ADAMTS17: variants seen among roughly 807,000 people sequenced by gnomAD.
The protein encoded by ADAMTS17 is ADAM metallopeptidase with thrombospondin type 1 motif 17.
A neutral mutation model predicts 141.5 loss-of-function variants in ADAMTS17; 113 were observed. That is an observed-to-expected ratio of 0.80 (90% CI 0.69 to 0.93). ADAMTS17 has a LOEUF of 0.93. Among genes scored for constraint, ADAMTS17 ranks in the 40% least tolerant of loss-of-function variants. The probability of loss-of-function intolerance (pLI) is 0.00; values close to 1 mark genes in which losing one functional copy is unlikely to be tolerated. For missense variants in ADAMTS17, 1,659 were observed against 1,517.9 expected (o/e 1.09, Z -1.54); for synonymous variants, 768 against 630.6 (o/e 1.22, Z -3.27).
intron 18 of ADAMTS17, among the ~76,000 whole-genome samples, chr15:100,000,662 C>T (rs1235150802): frequency 1.3e-5 from 2 of 152,084 alleles, no homozygotes; most frequent in African/African-American, 2.4e-5. Flanking sequence ...TACAGCCATG[C>T]GCCACCACGC....
chr15:100,318,661 G>C (rs556056673), intron 3 of ADAMTS17, among the ~76,000 whole-genome samples: 1 of 152,196 alleles, frequency 6.6e-6, no homozygotes, highest in South Asian at 2.1e-4. Context: ...AACAGACTAA[G>C]ACCATTCCTT....
intron 15 of ADAMTS17, among the ~76,000 whole-genome samples, chr15:100,083,797 G>C (rs1227186102): frequency 1.3e-5 from 2 of 150,926 alleles, no homozygotes; most frequent in African/African-American, 4.9e-5. Flanking sequence ...AGTGATGCTG[G>C]CATGCCAGAG....
At chr15:100,221,069 T>C (rs1405758210) in intron 7 of ADAMTS17, among the ~76,000 whole-genome samples, 1 of 152,172 alleles carries the variant, frequency 6.6e-6, no homozygotes, top group East Asian at 1.9e-4. Flanking sequence ...CTATGTTTAA[T>C]TTCTTGAGGA....
chr15:100,319,356 G>A (rs2045659086), intron 3 of ADAMTS17, among the ~76,000 whole-genome samples: 4 of 152,336 alleles, frequency 2.6e-5, no homozygotes, highest in Middle Eastern at 6.8e-3. Context: ...AGCAGAATTT[G>A]AGCTCACGGT....
At chr15:100,204,730 C>G (rs1301715555) in intron 7 of ADAMTS17, among the ~76,000 whole-genome samples, 1 of 152,120 alleles carries the variant, frequency 6.6e-6, no homozygotes, top group Non-Finnish European at 1.5e-5. Flanking sequence ...TAGACAAAGC[C>G]TTCTTAGCTA....
intron 7 of ADAMTS17, among the ~76,000 whole-genome samples, chr15:100,239,719 C>T (rs920573211): frequency 3.9e-5 from 6 of 152,160 alleles, no homozygotes; most frequent in African/African-American, 1.4e-4. Flanking sequence ...GTCCAGGGCA[C>T]TTCAGAGAGA....
chr15:100,186,417 C>T (rs11853108), intron 8 of ADAMTS17, among the ~76,000 whole-genome samples: 22,451 of 152,164 alleles, frequency 0.15, 2,388 homozygotes, highest in East Asian at 0.29. Flanking sequence ...AATGCAATCA[C>T]GCATTGCTGC....
chr15:100,091,328 C>A (rs374105054), intron 15 of ADAMTS17, among the ~76,000 whole-genome samples: 1 of 152,150 alleles, frequency 6.6e-6, no homozygotes, highest in East Asian at 1.9e-4. Flanking sequence ...AAGGTAGATT[C>A]ACATTTTAGG....
At chr15:100,212,081 C>T (rs913799878) in intron 7 of ADAMTS17, among the ~76,000 whole-genome samples, 7 of 152,126 alleles carry the variant, frequency 4.6e-5, no homozygotes, top group Non-Finnish European at 5.9e-5. Flanking sequence ...TGTGTATGCA[C>T]ACATATGTAC....
chr15:100,037,197 T>C (rs73472460), intron 18 of ADAMTS17, among the ~76,000 whole-genome samples: 11,565 of 152,252 alleles, frequency 0.076, 1,097 homozygotes, highest in African/African-American at 0.22. Context: ...TCCTGACTTC[T>C]CGACATCCTC....
At chr15:100,099,451 G>A (rs940235160) in intron 14 of ADAMTS17, among the ~76,000 whole-genome samples, 9 of 152,168 alleles carry the variant, frequency 5.9e-5, no homozygotes, top group Non-Finnish European at 8.8e-5. Context: ...TGAATATTAG[G>A]GGAGCTTTGA....
At chr15:100,206,365 A>G (rs865842500) in intron 7 of ADAMTS17, among the ~76,000 whole-genome samples, 1 of 151,920 alleles carries the variant, frequency 6.6e-6, no homozygotes, top group Non-Finnish European at 1.5e-5. Flanking sequence ...TGCCCAGGAC[A>G]CCCCTCCCCT....
chr15:100,185,752 G>C (rs1048443446), intron 8 of ADAMTS17, among the ~76,000 whole-genome samples: 3 of 152,146 alleles, frequency 2.0e-5, no homozygotes, highest in African/African-American at 7.2e-5. Context: ...TCCACATAAA[G>C]ACACTCAGTC....
chr15:100,316,673 G>A (rs1427247822), intron 3 of ADAMTS17, among the ~76,000 whole-genome samples: 1 of 152,242 alleles, frequency 6.6e-6, no homozygotes. Context: ...TCCATAGAGA[G>A]ATGACACCTT....
chr15:100,143,820 T>C (rs190759328), intron 10 of ADAMTS17, among the ~76,000 whole-genome samples: 1 of 152,236 alleles, frequency 6.6e-6, no homozygotes, highest in African/African-American at 2.4e-5. Context: ...CCTAAAGCAA[T>C]TGCAGAAATG....
At chr15:100,220,474 A>C (rs1034117337) in intron 7 of ADAMTS17, among the ~76,000 whole-genome samples, 1 of 152,150 alleles carries the variant, frequency 6.6e-6, no homozygotes, top group East Asian at 1.9e-4. Flanking sequence ...AACAACTGAT[A>C]ATATTTTCTC....
At chr15:100,170,486 T>C (rs1466411262) in intron 8 of ADAMTS17, among the ~76,000 whole-genome samples, 2 of 152,198 alleles carry the variant, frequency 1.3e-5, no homozygotes, top group African/African-American at 2.4e-5. Flanking sequence ...AGTTTCTACC[T>C]TTGCATAATC....
chr15:100,295,871 A>G (rs2044791238), intron 3 of ADAMTS17, among the ~76,000 whole-genome samples: 1 of 152,164 alleles, frequency 6.6e-6, no homozygotes, highest in Non-Finnish European at 1.5e-5. Flanking sequence ...CAGGTGTGGA[A>G]CTAAGGATTG....
rs565764925 is a variant in ADAMTS17, at chr15:100,311,040, C to T, written c.616+19849G>A. Among the ~76,000 whole-genome samples the T allele has an allele frequency of 4.6e-5, 7 of 152,342 alleles. No homozygotes were observed. The South Asian group carries it at 1.2e-3, about 27-fold the overall frequency. On this transcript the variant is annotated intron_variant, in intron 3 of 21. Coordinates refer to ENST00000268070, the MANE Select transcript of ADAMTS17 (RefSeq NM_139057.4). ...GGCTTTTCCATGAGAAATTCATGTA[C>T]TGAGAAGGCTAGACCTTTTTGCAGA... is the stretch of plus-strand genomic sequence containing the variant.
Sources: allele counts gnomAD v4.1 joint callset (sites outside exome capture counted in the v4.1 genomes callset), GRCh38; gene constraint gnomAD v4.1.1; transcripts MANE v1.5; gene names NCBI Gene and HGNC (gene_info 2026-07-23, HGNC 2026-07-21).